The following PGM5 variants were observed in gnomAD, a reference collection of about 807,000 sequenced individuals.
PGM5 encodes the protein phosphoglucomutase-like protein 5.
A neutral mutation model predicts 59.2 loss-of-function variants in PGM5; 23 were observed. The observed-to-expected ratio is 0.39, with a 90% CI of 0.28 to 0.55. The LOEUF is 0.55. Among genes scored for constraint, PGM5 ranks in the 20% least tolerant of loss-of-function variants. PGM5 has a pLI of 0.66. For missense variants in PGM5, 574 were observed against 748.3 expected (o/e 0.77, Z 2.72); for synonymous variants, 214 against 286.0 (o/e 0.75, Z 2.54).
chr9:68,397,120 G>A (rs181473916), intron 6 of PGM5: 2 of 152,794 alleles, frequency 1.3e-5, no homozygotes, highest in East Asian at 3.9e-4. Flanking sequence ...ATTCTTTTGG[G>A]GCTTTGTCAT....
chr9:68,444,796 TTAAAC>T (rs1823584995), intron 6 of PGM5, among the ~76,000 whole-genome samples: 1 of 152,160 alleles, frequency 6.6e-6, no homozygotes, highest in African/African-American at 2.4e-5. Context: ...ATTCTACATT[TTAAAC>T]TAAACACCCC....
intron 9 of PGM5, among the ~76,000 whole-genome samples, chr9:68,495,216 T>G (rs1564021565): frequency 6.6e-6 from 1 of 152,178 alleles, no homozygotes; most frequent in Non-Finnish European, 1.5e-5. Context: ...TCAAGACTTG[T>G]GGCGGCAAAA....
chr9:68,519,288 T>C (rs1416626411), intron 10 of PGM5, among the ~76,000 whole-genome samples: 3 of 152,178 alleles, frequency 2.0e-5, no homozygotes, highest in African/African-American at 7.2e-5. Context: ...TAAATGAACA[T>C]TGGCTGTATA....
intron 2 of PGM5, among the ~76,000 whole-genome samples, chr9:68,380,286 C>A (rs1822034775): frequency 1.4e-5 from 2 of 146,248 alleles, no homozygotes; most frequent in South Asian, 2.2e-4. Context: ...AAATCAATAA[C>A]AAGAGGAATC....
At chr9:68,507,996 G>A (rs570614640) in intron 10 of PGM5, among the ~76,000 whole-genome samples, 1 of 152,258 alleles carries the variant, frequency 6.6e-6, no homozygotes, top group East Asian at 1.9e-4. Context: ...GCTTTTTACA[G>A]TTTTGATGAC....
chr9:68,458,350 A>G (rs1277335259), intron 6 of PGM5, among the ~76,000 whole-genome samples: 1 of 152,238 alleles, frequency 6.6e-6, no homozygotes, highest in Non-Finnish European at 1.5e-5. Context: ...AAAGTGGAGA[A>G]GCTTCTAGGT....
chr9:68,448,888 C>T lies in PGM5; in HGVS notation c.1044-16205C>T, dbSNP rs1277988124. Among the ~76,000 whole-genome samples the T allele has an allele frequency of 2.0e-5, 3 of 152,176 alleles. 1 individual carries two copies. The South Asian group carries it at 6.2e-4, about 31-fold the overall frequency. On this transcript the variant is annotated intron_variant, in intron 6 of 10. Coordinates refer to ENST00000396396, the MANE Select transcript of PGM5 (RefSeq NM_021965.4). ...GGGCTGATTGTGTCTCTCTGGGGAA[C>T]CCCAGGAGGGGCCTCTCATTCTAGA... is the stretch of plus-strand genomic sequence containing the variant.
chr9:68,454,094 G>C (rs1564009719), intron 6 of PGM5, among the ~76,000 whole-genome samples: 1 of 152,146 alleles, frequency 6.6e-6, no homozygotes, highest in African/African-American at 2.4e-5. Flanking sequence ...TTTTAGTTGG[G>C]CTTGGGCAAT....
chr9:68,378,442 A>G, intron 2 of PGM5, 81 bp downstream of exon 2: 2 of 1,447,158 alleles, frequency 1.4e-6, no homozygotes, highest in South Asian at 2.9e-5. Context: ...CTCTTTGATG[A>G]TAGACAAGCA....
At position 68,479,519 on chromosome 9, in the gene PGM5, C is replaced by T. The variant is rs148149028; in HGVS notation, c.1261C>T (p.His421Tyr). 1 of 1,614,108 alleles carries T rather than the reference C, an allele frequency of 6.2e-7. No homozygotes were observed. The highest frequency in any genetic ancestry group is 1.3e-5 in the African/African-American group (1 of 75,026). Residue 421 changes from histidine (H) to tyrosine (Y), a missense_variant, in exon 8 of 11, where the codon CAC (histidine) becomes TAC (tyrosine). His to Tyr is a moderately conservative substitution (Grantham distance 83, BLOSUM62 2). Coordinates refer to ENST00000396396, the MANE Select transcript of PGM5 (RefSeq NM_021965.4). Reference sequence around the variant, plus strand: ...GAGTGTGGAGGAAATTGTCCGAGATCACTGGGCCAAATTTGGCCGCCACTA... The same window carrying T: ...GAGTGTGGAGGAAATTGTCCGAGATTACTGGGCCAAATTTGGCCGCCACTA... ...KQSVEEIVRD[H>Y]WAKFGRHYYC...
intron 7 of PGM5, among the ~76,000 whole-genome samples, chr9:68,468,045 C>T (rs928307312): frequency 6.8e-6 from 1 of 146,312 alleles, no homozygotes; most frequent in Admixed American, 6.8e-5. Flanking sequence ...TCCTTTCTTT[C>T]TTGGCTCAGG....
At chr9:68,468,942 G>A (rs1823980406) in intron 7 of PGM5, among the ~76,000 whole-genome samples, 4 of 152,192 alleles carry the variant, frequency 2.6e-5, no homozygotes, top group Admixed American at 6.5e-5. Flanking sequence ...TTTGGAGATG[G>A]ACTCTTGCTC....
chr9:68,464,087 T>A (rs1160062869), intron 6 of PGM5, among the ~76,000 whole-genome samples: 1 of 152,214 alleles, frequency 6.6e-6, no homozygotes, highest in Non-Finnish European at 1.5e-5. Context: ...TGGTATTACA[T>A]TGTATATCAC....
intron 4 of PGM5, among the ~76,000 whole-genome samples, chr9:68,389,555 C>T (rs368323617): frequency 1.2e-3 from 189 of 152,214 alleles, no homozygotes; most frequent in African/African-American, 4.4e-3. Context: ...ATATACATTC[C>T]TGGTGTTGCA....
At chr9:68,415,804 T>TATCTATCTATCTATCTATCTA (rs1823016193) in intron 6 of PGM5, among the ~76,000 whole-genome samples, 1 of 118,936 alleles carries the variant, frequency 8.4e-6, no homozygotes, top group South Asian at 3.0e-4. Context: ...TCTATCTATC[T>TATCTATCTATCTATCTATCTA]ATCTATCTAT....
chr9:68,448,431 C>T (rs1823647544), intron 6 of PGM5, among the ~76,000 whole-genome samples: 1 of 152,148 alleles, frequency 6.6e-6, no homozygotes. Context: ...TAGAGGCTTC[C>T]ACCCAGCACC....
chr9:68,520,770 G>A (rs893202463), intron 10 of PGM5, among the ~76,000 whole-genome samples: 4 of 152,182 alleles, frequency 2.6e-5, no homozygotes, highest in Admixed American at 1.3e-4. Flanking sequence ...AAACCTGGAC[G>A]TAGGCTATAT....
At chr9:68,367,448 T>C (rs1554676789) in intron 1 of PGM5, among the ~76,000 whole-genome samples, 2 of 152,188 alleles carry the variant, frequency 1.3e-5, no homozygotes, top group Admixed American at 6.5e-5. Flanking sequence ...GACTCCACGC[T>C]AATCTGCTGA....
intron 7 of PGM5, among the ~76,000 whole-genome samples, chr9:68,473,288 T>A (rs1012776175): frequency 6.6e-6 from 1 of 152,066 alleles, no homozygotes; most frequent in East Asian, 1.9e-4. Flanking sequence ...TGAAAAAAGG[T>A]AAACTGGAGA....
Sources: gnomAD v4.1 joint callset for allele counts (sites outside exome capture counted in the v4.1 genomes callset) on GRCh38, gnomAD v4.1.1 for gene constraint, MANE v1.5 for transcripts, NCBI Gene and HGNC (gene_info 2026-07-23, HGNC 2026-07-21) for gene names.